RELA: variants seen among roughly 807,000 people sequenced by gnomAD.
The protein encoded by RELA is RELA proto-oncogene, NF-kB subunit.
A neutral mutation model predicts 56.7 loss-of-function variants in RELA; 14 were observed. That is an observed-to-expected ratio of 0.25 (90% CI 0.16 to 0.39). RELA has a LOEUF of 0.39. Among genes scored for constraint, RELA ranks in the 10% least tolerant of loss-of-function variants. The pLI is 1.00. For synonymous variants in RELA, 315 were observed against 289.7 expected (o/e 1.09, Z -0.89); for missense variants, 559 against 736.4 (o/e 0.76, Z 2.79).
rs1856348605 is a variant in RELA at position 65,654,012 on chromosome 11, T to C, written c.*366A>G. The C allele has an allele frequency of 2.9e-6, 1 of 345,014 alleles. No individual in the cohort carries two copies. The highest frequency in any genetic ancestry group is 2.2e-5 in the African/African-American group (1 of 45,848). The allele number at this position is 345,014 out of a possible 1,614,324, so 21.4% of individuals were successfully genotyped here. ...ATGGAAGACACTTGATAAGGCTTTGTGGGCTCAAAGGCCTTACCTCCAGCC... is the reference window on the plus strand; with the variant it reads ...ATGGAAGACACTTGATAAGGCTTTGCGGGCTCAAAGGCCTTACCTCCAGCC... On this transcript the variant is annotated 3_prime_UTR_variant, in exon 11 of 11. Coordinates refer to ENST00000406246, the MANE Select transcript of RELA (RefSeq NM_021975.4).
At position 65,658,942 on chromosome 11, in the gene RELA, C is replaced by T. The variant is rs1329697681; in HGVS notation, c.560-120G>A. On this transcript the variant is annotated intron_variant, in intron 6 of 10. Transcript: ENST00000406246. This position sits in a 1 kb window ranked among gnomAD's most constrained non-coding sequence, Gnocchi z 4.5. ...AAGGTTGCCCAGAGCTTGCCACCTA[C>T]ACCTTTGTAGCCAAAGTCAGACCTT... is the stretch of plus-strand genomic sequence containing the variant. The T allele has an allele frequency of 2.6e-6, 2 of 774,006 alleles. No individual in the cohort carries two copies. The highest frequency in any genetic ancestry group is 1.7e-5 in the African/African-American group (1 of 58,622). The allele number at this position is 774,006 out of a possible 1,614,324, so 47.9% of individuals were successfully genotyped here. A position where few individuals can be genotyped will look rare whatever the true frequency, so the allele number is the denominator to read the frequency against.
In RELA at chr11:65,656,917, C is replaced by T. The variant is rs188975435; in HGVS notation, c.878-982G>A. 2.9e-3 allele frequency among the ~76,000 whole-genome samples: 434 copies of T among 152,098 alleles called. 1 individual carries two copies. The highest frequency in any genetic ancestry group is 4.8e-3 in the Non-Finnish European group (327 of 67,996). On this transcript the variant is annotated intron_variant, in intron 8 of 10. Coordinates refer to ENST00000406246, the MANE Select transcript of RELA (RefSeq NM_021975.4). ...GCGGGCGCCTGTAGTCCCAGCTACT[C>T]GGGAGGCTGAGGCAGGGAGAATCAC...
chr11:65,654,206 GA>G lies in RELA; in HGVS notation c.*171del. ...TTCTGCTTAAGCACCTCCAAAAAGA[GA>G]GAGAGATACAGATACTGACAATAAA... On this transcript the variant is annotated 3_prime_UTR_variant, in exon 11 of 11. Transcript: ENST00000406246. 1 of 848,394 alleles carries G rather than the reference GA, an allele frequency of 1.2e-6. No individual in the cohort carries two copies. 52.6% of individuals were successfully genotyped at this position (848,394 alleles called of 1,614,324 possible). A position where few individuals can be genotyped will look rare whatever the true frequency, so the allele number is the denominator to read the frequency against.
At position 65,654,310 on chromosome 11, in the gene RELA, C is replaced by G. The variant is rs767210289; in HGVS notation, c.*68G>C. The G allele has an allele frequency of 6.2e-7, 1 of 1,604,466 alleles. No individual in the cohort carries two copies. Among genetic ancestry groups the G allele is most frequent in the Non-Finnish European group, 8.5e-7 (1 of 1,172,920 alleles). On this transcript the variant is annotated 3_prime_UTR_variant, in exon 11 of 11. Transcript: ENST00000406246. The stretch of plus-strand genomic sequence containing the variant: ...AGTTGGAACACACCCCACCAGAATC[C>G]GTAAGTGCTTTTGGAGGGCTTCAAT...
At chr11:65,659,378 C>T (rs886497324) in intron 6 of RELA, among the ~76,000 whole-genome samples, 3 of 152,150 alleles carry the variant, frequency 2.0e-5, no homozygotes, top group Non-Finnish European at 2.9e-5. Flanking sequence ...GAGTCATTAT[C>T]GCAGTTGTGG....
At position 65,661,671 on chromosome 11, in the gene RELA, C is replaced by A; in HGVS notation, c.335+16G>T. 6.4e-7 allele frequency: 1 copy of A among 1,562,250 alleles called. No individual in the cohort carries two copies. The highest frequency in any genetic ancestry group is 8.7e-7 in the Non-Finnish European group (1 of 1,150,664). On this transcript the variant is annotated intron_variant, in intron 4 of 10. Coordinates refer to ENST00000406246, the MANE Select transcript of RELA (RefSeq NM_021975.4). Reference sequence around the variant, plus strand: ...TGTCCCCTCATGCTGGGCCTCCTAGCCTGCAGGGACCTCACCTGTGGATGC... The same window carrying A: ...TGTCCCCTCATGCTGGGCCTCCTAGACTGCAGGGACCTCACCTGTGGATGC...
rs1856488842 is a variant in RELA at position 65,658,613 on chromosome 11, C to T, written c.664+105G>A. 6.5e-6 allele frequency: 9 copies of T among 1,377,772 alleles called. No homozygotes were observed. Among genetic ancestry groups the T allele is most frequent in the South Asian group, 3.6e-5 (3 of 83,152 alleles). The allele number at this position is 1,377,772 out of a possible 1,614,324, so 85.3% of individuals were successfully genotyped here. On this transcript the variant is annotated intron_variant, in intron 7 of 10. Transcript: ENST00000406246. The surrounding 1 kb of genome is among the most constrained non-coding windows in gnomAD (Gnocchi z 4.5). ...CACCCTTCGGCCCACCTGAGGCCCC[C>T]GAGGCACAGGAGGAAGTATCCAAAG...
intron 10 of RELA, 71 bp from the exon 11 acceptor site, chr11:65,655,071 G>A (rs1856387704): frequency 7.2e-6 from 9 of 1,245,452 alleles, no homozygotes; most frequent in Admixed American, 2.0e-5. Flanking sequence ...CTGTACCCCA[G>A]CCCCTCTTCA....
At position 65,655,760 on chromosome 11, in the gene RELA, G is replaced by C; in HGVS notation, c.961C>G (p.Pro321Ala). 1.2e-6 allele frequency: 2 copies of C among 1,614,010 alleles called. No homozygotes were observed. The highest frequency in any genetic ancestry group is 4.5e-5 in the East Asian group (2 of 44,878). Residue 321 changes from proline (P) to alanine (A), a missense_variant and splice_region_variant, in exon 10 of 11, where the codon CCC becomes GCC. This residue lies in a region of RELA where 365 missense variants were observed against 387.5 expected (regional missense o/e 0.94). Transcript: ENST00000406246. Reference protein sequence around the residue: ...SIMKKSPFSGPTDPRPPPRRI... With the variant: ...SIMKKSPFSGATDPRPPPRRI... ...CGAGGTGGAGGCCGGGGGTCGGTGG[G>C]TCCTGTAGGGCAAGGGCTAGGTCAG...
At chr11:65,662,126 C>T (rs1438143008) in intron 2 of RELA, 38 bp from the exon 3 acceptor site, 4 of 1,601,562 alleles carry the variant, frequency 2.5e-6, no homozygotes, top group East Asian at 2.2e-5. Flanking sequence ...GGCGGCTGCC[C>T]CCACTGCCCT....
rs1856609353 is a variant in RELA at position 65,662,852 on chromosome 11, G to A, written c.-20C>T. On this transcript the variant is annotated 5_prime_UTR_variant, in exon 1 of 11. Coordinates refer to ENST00000406246, the MANE Select transcript of RELA (RefSeq NM_021975.4). ...GTCCATGGCCGGGGTCCCGGGGGCG[G>A]GGCCGGGGTCGCAGCTGGGCCCGCG... The A allele has an allele frequency of 8.4e-7, 1 of 1,194,366 alleles. No individual in the cohort carries two copies. Among genetic ancestry groups the A allele is most frequent in the Admixed American group, 4.5e-5 (1 of 22,336 alleles). 74.0% of individuals were successfully genotyped at this position (1,194,366 alleles called of 1,614,324 possible).
Position 65,654,089 on chromosome 11 carries a change from C to G in RELA, c.*289G>C, listed in dbSNP as rs1856350687. The G allele has an allele frequency of 2.2e-6, 1 of 459,166 alleles. No individual in the cohort carries two copies. The highest frequency in any genetic ancestry group is 3.5e-5 in the Admixed American group (1 of 28,512). 28.4% of individuals were successfully genotyped at this position (459,166 alleles called of 1,614,324 possible). A position where few individuals can be genotyped will look rare whatever the true frequency, so the allele number is the denominator to read the frequency against. ...AAGCTGGAGGATGGGGATGGGGGAC[C>G]CCAGAGTTCCCTACAGAGAAGGGAG... On this transcript the variant is annotated 3_prime_UTR_variant, in exon 11 of 11. Coordinates refer to ENST00000406246, the MANE Select transcript of RELA (RefSeq NM_021975.4).
In RELA at chr11:65,654,263, A is replaced by C; in HGVS notation, c.*115T>G. The C allele has an allele frequency of 2.3e-6, 3 of 1,277,398 alleles. No homozygotes were observed. The highest frequency in any genetic ancestry group is 3.4e-6 in the Non-Finnish European group (3 of 885,452). The allele number at this position is 1,277,398 out of a possible 1,614,324, so 79.1% of individuals were successfully genotyped here. ...AAAATATGGCTCCCCCCTCCAAGGA[A>C]GACATCCACAAAGTTGGGGGCAGTT... On this transcript the variant is annotated 3_prime_UTR_variant, in exon 11 of 11. Coordinates refer to ENST00000406246, the MANE Select transcript of RELA (RefSeq NM_021975.4).
rs375580666 is a variant in RELA at position 65,662,093 on chromosome 11, C to G, written c.35-5G>C. ...GGCCAGAGGCCTGGGCTGGCTCTGC[C>G]AGGGGACACCGCAGCCCCATTAGGC... On this transcript the variant is annotated splice_polypyrimidine_tract_variant and splice_region_variant and intron_variant, in intron 2 of 10. Coordinates refer to ENST00000406246, the MANE Select transcript of RELA (RefSeq NM_021975.4). The G allele has an allele frequency of 1.9e-6, 3 of 1,609,108 alleles. No homozygotes were observed. The highest frequency in any genetic ancestry group is 1.7e-5 in the Admixed American group (1 of 59,134).
chr11:65,658,786 A>G lies in RELA; in HGVS notation c.596T>C (p.Val199Ala), dbSNP rs145138143. ...PNTAELKICRVNRNSGSCLGG... is the reference protein window; with the variant it reads ...PNTAELKICRANRNSGSCLGG... The stretch of plus-strand genomic sequence containing the variant: ...GAGGCAGCTGCCAGAGTTTCGGTTC[A>G]CTCGGCAGATCTTGAGCTCGGCAGT... Residue 199 changes from valine to alanine, a missense_variant, in exon 7 of 11, where the codon GTG becomes GCG. Val to Ala is a moderately conservative substitution (Grantham distance 64). Transcript: ENST00000406246. This position sits in a 1 kb window ranked among gnomAD's most constrained non-coding sequence, Gnocchi z 4.5. 2.8e-5 allele frequency: 45 copies of G among 1,613,714 alleles called. No homozygotes were observed. Among genetic ancestry groups the G allele is most frequent in the African/African-American group, 1.3e-5 (1 of 74,782 alleles).
chr11:65,654,283 GC>G lies in RELA; in HGVS notation c.*94del. ...AAGGAAGACATCCACAAAGTTGGGGGCAGTTGGAACACACCCCACCAGAATC... is the reference window on the plus strand; with the variant it reads ...AAGGAAGACATCCACAAAGTTGGGGGAGTTGGAACACACCCCACCAGAATC... On this transcript the variant is annotated 3_prime_UTR_variant, in exon 11 of 11. Coordinates refer to ENST00000406246, the MANE Select transcript of RELA (RefSeq NM_021975.4). The G allele has an allele frequency of 6.7e-7, 1 of 1,490,606 alleles. No homozygotes were observed. The highest frequency in any genetic ancestry group is 9.3e-7 in the Non-Finnish European group (1 of 1,073,928). 92.3% of individuals were successfully genotyped at this position (1,490,606 alleles called of 1,614,324 possible).
Position 65,658,634 on chromosome 11 carries a change from C to T in RELA, c.664+84G>A. 1 of 1,443,992 alleles carries T rather than the reference C, an allele frequency of 6.9e-7. No homozygotes were observed. The highest frequency in any genetic ancestry group is 9.7e-7 in the Non-Finnish European group (1 of 1,029,556). 89.4% of individuals were successfully genotyped at this position (1,443,992 alleles called of 1,614,324 possible). A position where few individuals can be genotyped will look rare whatever the true frequency, so the allele number is the denominator to read the frequency against. ...CCCCCGAGGCACAGGAGGAAGTATC[C>T]AAAGCCAGTTACCTGACACTCCACT... On this transcript the variant is annotated intron_variant, in intron 7 of 10. Coordinates refer to ENST00000406246, the MANE Select transcript of RELA (RefSeq NM_021975.4). This position sits in a 1 kb window ranked among gnomAD's most constrained non-coding sequence, Gnocchi z 4.5.
intron 10 of RELA, chr11:65,655,380 A>G: frequency 1.7e-6 from 1 of 579,308 alleles, no homozygotes; most frequent in Non-Finnish European, 3.1e-6. Context: ...TGAGCCTCGC[A>G]CAGGCACACA....
chr11:65,659,697 C>A lies in RELA; in HGVS notation c.528G>T (p.Pro176=). The change falls in exon 6 of 11, where the codon CCG becomes CCT. Residue 176 remains proline (P), a synonymous_variant. Coordinates refer to ENST00000406246, the MANE Select transcript of RELA (RefSeq NM_021975.4). The stretch of plus-strand genomic sequence containing the variant: ...CAAAGATGGGATGAGAAAGGACAGG[C>A]GGCAGGCGGAGGGGCCTGCCTGATG... ...RDPSGRPLRL[P]PVLSHPIFDN... is the part of the protein sequence containing the mutation. 6.2e-7 allele frequency: 1 copy of A among 1,613,824 alleles called. No individual in the cohort carries two copies. Among genetic ancestry groups the A allele is most frequent in the East Asian group, 2.2e-5 (1 of 44,886 alleles).
Sources: allele counts gnomAD v4.1 joint callset (sites outside exome capture counted in the v4.1 genomes callset), GRCh38; gene constraint gnomAD v4.1.1; regional missense constraint gnomAD v4.1.1; non-coding constraint Gnocchi (gnomAD v3.1); transcripts MANE v1.5; gene names NCBI Gene and HGNC (gene_info 2026-07-23, HGNC 2026-07-21).